Variants in KIDINS220 observed in about 807,000 individuals in gnomAD.
KIDINS220 encodes kinase D-interacting substrate of 220 kDa.
A neutral mutation model predicts 157.6 loss-of-function variants in KIDINS220; 63 were observed. That is an observed-to-expected ratio of 0.40 (90% confidence interval 0.33 to 0.49). The LOEUF (loss-of-function observed/expected upper bound fraction) is 0.49. Ranked by LOEUF, KIDINS220 falls within the 20% of genes least tolerant of loss-of-function variation. The pLI is 0.66. For synonymous variants in KIDINS220, 732 were observed against 783.6 expected, an observed-to-expected ratio of 0.93 and a Z score of 1.10; for missense variants, 1,772 against 2,171.2, an observed-to-expected ratio of 0.82 and a Z score of 3.65.
intron 8 of KIDINS220, among the ~76,000 whole-genome samples, chr2:8,800,996 C>T (rs906009252): frequency 6.6e-6 from 1 of 152,176 alleles, no homozygotes; most frequent in Non-Finnish European, 1.5e-5. Flanking sequence ...CGAGCAGCAT[C>T]CATGAAAACC....
At chr2:8,748,545 T>TA (rs1310601434) in intron 24 of KIDINS220, among the ~76,000 whole-genome samples, 1 of 151,800 alleles carries the variant, frequency 6.6e-6, no homozygotes, top group Non-Finnish European at 1.5e-5. Context: ...ATATTTTTTT[T>TA]AAAAAACGTG....
intron 26 of KIDINS220, among the ~76,000 whole-genome samples, chr2:8,742,788 C>T (rs1403439242): frequency 6.6e-6 from 1 of 152,284 alleles, no homozygotes; most frequent in African/African-American, 2.4e-5. Flanking sequence ...TAGAATAGCG[C>T]CTCTTACACT....
intron 9 of KIDINS220, 63 bp from the exon 10 acceptor site, chr2:8,798,363 T>C (rs1351613759): frequency 1.1e-6 from 1 of 896,258 alleles, no homozygotes; most frequent in South Asian, 1.4e-5. Context: ...CTGCTACTTA[T>C]AAATACAAAA....
At chr2:8,809,247 C>T (rs910462351) in intron 6 of KIDINS220, among the ~76,000 whole-genome samples, 7 of 152,174 alleles carry the variant, frequency 4.6e-5, no homozygotes, top group Non-Finnish European at 7.3e-5. Context: ...TTTTGAACTC[C>T]TGACCTCAGG....
intron 21 of KIDINS220, among the ~76,000 whole-genome samples, chr2:8,771,648 T>C (rs778946434): frequency 6.6e-6 from 1 of 152,158 alleles, no homozygotes; most frequent in Non-Finnish European, 1.5e-5. Flanking sequence ...TTAGTTCCAA[T>C]ATGAGTTATT....
intron 15 of KIDINS220, among the ~76,000 whole-genome samples, chr2:8,787,165 C>A (rs1250414545): frequency 6.6e-6 from 1 of 151,000 alleles, no homozygotes; most frequent in African/African-American, 2.4e-5. Context: ...TAAAAATATT[C>A]CCCCAATTAT....
chr2:8,791,750 A>G (rs1673223922), intron 12 of KIDINS220, among the ~76,000 whole-genome samples: 1 of 152,194 alleles, frequency 6.6e-6, no homozygotes, highest in South Asian at 2.1e-4. Context: ...AGATAATAAT[A>G]GAAAAAGAAA....
Position 8,775,519 on chromosome 2 carries a change from CA to C in KIDINS220, c.2848+1228del, listed in dbSNP as rs375194685. Among the ~76,000 whole-genome samples the C allele has an allele frequency of 2.5e-3, 385 of 152,278 alleles. 2 individuals carry two copies. Among genetic ancestry groups the C allele is most frequent in the African/African-American group, 8.5e-3 (354 of 41,550 alleles). On this transcript the variant is annotated intron_variant, in intron 21 of 29. Coordinates refer to ENST00000256707, the MANE Select transcript of KIDINS220 (RefSeq NM_020738.4). ...AGAGGAAGAGTGATCAACACACTGT[CA>C]AACACCACTAATGGGGTCAAATAAG...
intron 17 of KIDINS220, among the ~76,000 whole-genome samples, chr2:8,782,950 T>A (rs542038259): frequency 1.3e-5 from 2 of 152,190 alleles, no homozygotes; most frequent in East Asian, 3.9e-4. Context: ...TCCCAGCACT[T>A]TGGGAGGCCG....
downstream of KIDINS220, among the ~76,000 whole-genome samples, chr2:8,728,695 CT>C (rs1007084629): frequency 6.6e-6 from 1 of 152,378 alleles, no homozygotes; most frequent in African/African-American, 2.4e-5. Flanking sequence ...CGCTAGCATG[CT>C]GTGGGCACAA....
intron 22 of KIDINS220, 78 bp downstream of exon 22, chr2:8,770,592 T>A (rs1305101679): frequency 1.3e-6 from 1 of 761,866 alleles, no homozygotes; most frequent in Non-Finnish European, 2.1e-6. Flanking sequence ...TTTTGTATTG[T>A]CTGCTTTATA....
intron 26 of KIDINS220, among the ~76,000 whole-genome samples, chr2:8,740,910 C>T (rs1387633654): frequency 6.6e-6 from 1 of 152,094 alleles, no homozygotes. Flanking sequence ...CAATTTGTAC[C>T]AAAGTTAATT....
At chr2:8,775,430 A>G (rs1485400758) in intron 21 of KIDINS220, among the ~76,000 whole-genome samples, 2 of 151,978 alleles carry the variant, frequency 1.3e-5, no homozygotes, top group African/African-American at 4.8e-5. Flanking sequence ...GCTAACCACC[A>G]GCGCAAAAGG....
At chr2:8,786,085 T>A (rs1672359215) in intron 16 of KIDINS220, 55 bp from the exon 17 acceptor site, 4 of 1,562,412 alleles carry the variant, frequency 2.6e-6, no homozygotes, top group Non-Finnish European at 2.6e-6. Flanking sequence ...TAGAAAATCC[T>A]AACATTATAG....
At chr2:8,735,222 C>G (rs1276190929) in intron 27 of KIDINS220, among the ~76,000 whole-genome samples, 1 of 152,222 alleles carries the variant, frequency 6.6e-6, no homozygotes, top group Non-Finnish European at 1.5e-5. Context: ...TGCCCACCCA[C>G]TAATTTTCCA....
intron 22 of KIDINS220, among the ~76,000 whole-genome samples, chr2:8,762,454 T>C (rs192086158): frequency 2.0e-5 from 3 of 152,306 alleles, no homozygotes; most frequent in East Asian, 1.9e-4. Context: ...AGAAAACCTA[T>C]TGGCTGGGCA....
chr2:8,750,329 C>T lies in KIDINS220; in HGVS notation c.3197G>A (p.Arg1066His), dbSNP rs201273788. 2.4e-4 allele frequency: 370 copies of T among 1,552,702 alleles called. 1 individual carries two copies. The East Asian group carries it at 7.6e-3, about 32-fold the overall frequency. ...PKLREIIADV[R>H]AAREQISIGG... ...AATACTGATCTGCTCTCTGGCAGCA[C>T]GAACATCTGAAAGATTCAATCAGAC... The change falls in exon 24 of 30, where the codon CGT (arginine) becomes CAT (histidine). Residue 1066 changes from arginine to histidine, a missense_variant. Arg to His is a conservative substitution (Grantham distance 29). Transcript: ENST00000256707.
downstream of KIDINS220, among the ~76,000 whole-genome samples, chr2:8,727,641 G>T (rs1663459416): frequency 6.6e-6 from 1 of 152,178 alleles, no homozygotes; most frequent in African/African-American, 2.4e-5. Context: ...TTTTACTGCA[G>T]CAGTCTAACA....
rs1664428695 is a variant in KIDINS220 at position 8,733,506 on chromosome 2, C to T, written c.3991G>A (p.Glu1331Lys). 2.5e-6 allele frequency: 4 copies of T among 1,613,998 alleles called. No individual in the cohort carries two copies. Among genetic ancestry groups the T allele is most frequent in the Non-Finnish European group, 2.5e-6 (3 of 1,180,038 alleles). Reference sequence around the variant, plus strand: ...TCCAGGCCAAGCGTGTTCAGCTCTTCGAAGCTGAAGTTGAGTGTGTAGGGC... The same window carrying T: ...TCCAGGCCAAGCGTGTTCAGCTCTTTGAAGCTGAAGTTGAGTGTGTAGGGC... ...QTPYTLNFSF[E>K]ELNTLGLDEG... Residue 1331 changes from glutamate (E) to lysine (K), a missense_variant, in exon 29 of 30, where the codon GAA (glutamate) becomes AAA (lysine). Coordinates refer to ENST00000256707, the MANE Select transcript of KIDINS220 (RefSeq NM_020738.4).
Sources: gnomAD v4.1 joint callset for allele counts (sites outside exome capture counted in the v4.1 genomes callset) on GRCh38, gnomAD v4.1.1 for gene constraint, MANE v1.5 for transcripts, NCBI Gene and HGNC (gene_info 2026-07-23, HGNC 2026-07-21) for gene names.